ARHGAP15: variants seen among roughly 807,000 people sequenced by gnomAD.
ARHGAP15 encodes the protein rho GTPase-activating protein 15.
In ARHGAP15, 51 loss-of-function variants were observed where a neutral mutation model predicts 63.7. The ratio of observed to expected loss-of-function variants is 0.80; its 90% CI spans 0.64 to 1.01. ARHGAP15 has a LOEUF of 1.01. Among genes scored for constraint, ARHGAP15 ranks in the 50% least tolerant of loss-of-function variants. The pLI is 0.00. For synonymous variants in ARHGAP15, 191 were observed against 193.8 expected (o/e 0.99, Z 0.12); for missense variants, 560 against 564.6 (o/e 0.99, Z 0.08).
chr2:143,370,439 G>A (rs1384975161), intron 6 of ARHGAP15, among the ~76,000 whole-genome samples: 1 of 152,052 alleles, frequency 6.6e-6, no homozygotes, highest in Non-Finnish European at 1.5e-5. Flanking sequence ...CATGGCACAT[G>A]TATACATATG....
At position 143,588,496 on chromosome 2, in the gene ARHGAP15, C is replaced by T. The variant is rs116101662; in HGVS notation, c.1003+32011C>T. On this transcript the variant is annotated intron_variant, in intron 11 of 13. Coordinates refer to ENST00000295095, the MANE Select transcript of ARHGAP15 (RefSeq NM_018460.4). ...AAGTTCCCTCCCCTTGCTCCCCACC[C>T]CTAACAAGCCCTGGTGGGTGTCGTT... 2.1e-3 allele frequency among the ~76,000 whole-genome samples: 325 copies of T among 152,214 alleles called. 1 individual carries two copies. The highest frequency in any genetic ancestry group is 7.0e-3 in the African/African-American group (291 of 41,536).
intron 11 of ARHGAP15, among the ~76,000 whole-genome samples, chr2:143,604,479 C>T (rs1049210672): frequency 1.3e-5 from 2 of 152,198 alleles, no homozygotes; most frequent in African/African-American, 4.8e-5. Flanking sequence ...AACTCAGTAA[C>T]ACAACCTGCC....
chr2:143,303,165 A>T (rs966064048), intron 6 of ARHGAP15, among the ~76,000 whole-genome samples: 1 of 152,186 alleles, frequency 6.6e-6, no homozygotes, highest in Non-Finnish European at 1.5e-5. Flanking sequence ...GACAAATGGG[A>T]TCTAATTAAA....
rs1694853625 is a variant in ARHGAP15, at chr2:143,537,886, T to A, written c.925+18522T>A. On this transcript the variant is annotated intron_variant, in intron 10 of 13. Transcript: ENST00000295095. ...GGCTCTTTTTTGGTTCCATATGAAC[T>A]TTAAAGCAGTTTTTTCCAATTCTGT... 6.6e-5 allele frequency among the ~76,000 whole-genome samples: 10 copies of A among 151,686 alleles called. No homozygotes were observed. The South Asian group carries it at 2.1e-3, about 32-fold the overall frequency.
chr2:143,214,988 G>T lies in ARHGAP15; in HGVS notation c.235-1396G>T, dbSNP rs868023230. 3.3e-5 allele frequency among the ~76,000 whole-genome samples: 5 copies of T among 152,150 alleles called. No individual in the cohort carries two copies. In the South Asian group the frequency reaches 8.3e-4, roughly 25 times the overall value. On this transcript the variant is annotated intron_variant, in intron 3 of 13. Coordinates refer to ENST00000295095, the MANE Select transcript of ARHGAP15 (RefSeq NM_018460.4). The stretch of plus-strand genomic sequence containing the variant: ...TAAATAGCCATTCATTTACTTATTT[G>T]TTCAAACAGTTTTATTATTTTGACT...
chr2:143,713,270 A>G (rs1198164062), intron 13 of ARHGAP15, among the ~76,000 whole-genome samples: 1 of 152,194 alleles, frequency 6.6e-6, no homozygotes, highest in African/African-American at 2.4e-5. Context: ...AAAACAAAGA[A>G]GAAGCAAAAA....
intron 6 of ARHGAP15, among the ~76,000 whole-genome samples, chr2:143,390,193 C>T (rs1300358721): frequency 6.6e-6 from 1 of 152,168 alleles, no homozygotes; most frequent in East Asian, 1.9e-4. Flanking sequence ...TCAAAAACCA[C>T]TTTCCCTCTC....
chr2:143,183,982 G>A (rs1214034100), intron 2 of ARHGAP15, among the ~76,000 whole-genome samples: 3 of 152,142 alleles, frequency 2.0e-5, no homozygotes, highest in African/African-American at 7.2e-5. Flanking sequence ...TTAGCCCATG[G>A]CAGTTGACTC....
chr2:143,141,939 G>T (rs1689387292), intron 1 of ARHGAP15, among the ~76,000 whole-genome samples: 1 of 152,032 alleles, frequency 6.6e-6, no homozygotes, highest in South Asian at 2.1e-4. Flanking sequence ...GGTAGGAGAG[G>T]ACCTGTAGAC....
intron 4 of ARHGAP15, among the ~76,000 whole-genome samples, chr2:143,224,908 G>A (rs1693144895): frequency 6.6e-6 from 1 of 152,184 alleles, no homozygotes; most frequent in South Asian, 2.1e-4. Context: ...CATGGATGAA[G>A]CTGGATACCA....
chr2:143,709,293 T>C (rs923942541), intron 13 of ARHGAP15, among the ~76,000 whole-genome samples: 5 of 152,198 alleles, frequency 3.3e-5, no homozygotes, highest in African/African-American at 1.2e-4. Flanking sequence ...TATGTACACA[T>C]TATGCATGCA....
At chr2:143,348,726 G>T (rs1685417801) in intron 6 of ARHGAP15, among the ~76,000 whole-genome samples, 1 of 152,116 alleles carries the variant, frequency 6.6e-6, no homozygotes, top group African/African-American at 2.4e-5. Flanking sequence ...AGGATAGTCT[G>T]AATTATTTGT....
intron 2 of ARHGAP15, chr2:143,161,948 A>G (rs1690314675): frequency 6.6e-6 from 1 of 151,982 alleles, no homozygotes; most frequent in African/African-American, 2.4e-5. Flanking sequence ...AACACCTTTC[A>G]TCTCAGGTCA....
chr2:143,497,449 CCCTTTTTAAA>C (rs534013699), intron 9 of ARHGAP15, among the ~76,000 whole-genome samples: 184 of 152,164 alleles, frequency 1.2e-3, no homozygotes, highest in African/African-American at 4.4e-3. Flanking sequence ...CAAAAGAATC[CCCTTTTTAAA>C]GGTTAGCATT....
intron 2 of ARHGAP15, among the ~76,000 whole-genome samples, chr2:143,169,819 A>G (rs1349762686): frequency 6.6e-6 from 1 of 151,642 alleles, no homozygotes; most frequent in Non-Finnish European, 1.5e-5. Context: ...AGAGGTAGTA[A>G]TGCTTTTGTT....
chr2:143,175,060 T>G (rs1465692746), intron 2 of ARHGAP15, among the ~76,000 whole-genome samples: 1 of 152,128 alleles, frequency 6.6e-6, no homozygotes, highest in Non-Finnish European at 1.5e-5. Context: ...TGCAGATGCA[T>G]AATCTGAAAG....
At chr2:143,234,654 A>G (rs985896686) in intron 5 of ARHGAP15, among the ~76,000 whole-genome samples, 1 of 152,178 alleles carries the variant, frequency 6.6e-6, no homozygotes, top group African/African-American at 2.4e-5. Context: ...CTACCAAAAC[A>G]GTCTTCTTTA....
At position 143,413,943 on chromosome 2, in the gene ARHGAP15, G is replaced by GTT. The variant is rs1313611683; in HGVS notation, c.475-21657_475-21656insTT. ...GGTAGGTAGTTGTGTGTGTGTGTGTGTGTGTGTGTGTGTGTGTGTGTGTGC... is the reference window on the plus strand; with the variant it reads ...GGTAGGTAGTTGTGTGTGTGTGTGTGTTTGTGTGTGTGTGTGTGTGTGTGTGC... On this transcript the variant is annotated intron_variant, in intron 6 of 13. Transcript: ENST00000295095. Among the ~76,000 whole-genome samples, 513 of 88,500 alleles carry GTT rather than the reference G, an allele frequency of 5.8e-3. 6 individuals are homozygous for GTT. The highest frequency in any genetic ancestry group is 0.023 in the African/African-American group (496 of 21,650). The allele number at this position is 88,500 out of a possible 152,430, so 58.1% of individuals were successfully genotyped here.
chr2:143,329,400 TTCTGAG>T (rs1374924610), intron 6 of ARHGAP15, among the ~76,000 whole-genome samples: 1 of 152,176 alleles, frequency 6.6e-6, no homozygotes, highest in Non-Finnish European at 1.5e-5. Context: ...CCACATTATG[TTCTGAG>T]TATGGAGAGG....
Sources: gnomAD v4.1 joint callset for allele counts (sites outside exome capture counted in the v4.1 genomes callset) on GRCh38, gnomAD v4.1.1 for gene constraint, MANE v1.5 for transcripts, NCBI Gene and HGNC (gene_info 2026-07-23, HGNC 2026-07-21) for gene names.